The following SPG11 variants were observed in gnomAD, a reference collection of about 807,000 sequenced individuals.
SPG11 encodes the protein spatacsin.
Under a neutral mutation model 274.0 loss-of-function variants are expected in SPG11, and 222 were observed. The ratio of observed to expected loss-of-function variants is 0.81; its 90% CI spans 0.73 to 0.91. The LOEUF is 0.91. Ranked by LOEUF, SPG11 falls within the 40% of genes least tolerant of loss-of-function variation. The pLI is 0.00. For missense variants in SPG11, 3,114 were observed against 2,872.7 expected (o/e 1.08, Z -1.92); for synonymous variants, 1,144 against 1,039.7 (o/e 1.10, Z -1.93).
chr15:44,611,174 T>G lies in SPG11; in HGVS notation c.3146-189A>C, dbSNP rs143135528. Among the ~76,000 whole-genome samples, 34 of 148,706 alleles carry G rather than the reference T, an allele frequency of 2.3e-4. No individual in the cohort carries two copies. The East Asian group carries it at 6.4e-3, about 28-fold the overall frequency. On this transcript the variant is annotated intron_variant, in intron 17 of 39. Coordinates refer to ENST00000261866, the MANE Select transcript of SPG11 (RefSeq NM_025137.4). ...ATCACAGAGGGAAAAAATGAAAGATTTGTCTACATAAAAATAAAAACTTCT... is the reference window on the plus strand; with the variant it reads ...ATCACAGAGGGAAAAAATGAAAGATGTGTCTACATAAAAATAAAAACTTCT...
intron 32 of SPG11, 44 bp downstream of exon 32, chr15:44,573,502 GA>G: frequency 6.2e-7 from 1 of 1,600,844 alleles, no homozygotes; most frequent in Non-Finnish European, 8.6e-7. Flanking sequence ...CTGGGAACTA[GA>G]GAATGCTGTC....
chr15:44,574,322 T>C (rs190881198), intron 31 of SPG11, among the ~76,000 whole-genome samples: 3 of 152,322 alleles, frequency 2.0e-5, no homozygotes, highest in East Asian at 3.9e-4. Context: ...AAAAATATTA[T>C]GAAATGTAAG....
At chr15:44,588,305 A>C (rs1248817816) in intron 28 of SPG11, among the ~76,000 whole-genome samples, 4 of 151,386 alleles carry the variant, frequency 2.6e-5, no homozygotes, top group East Asian at 1.9e-4. Context: ...AAAAAAAAAA[A>C]CAAACAAAAA....
intron 20 of SPG11, among the ~76,000 whole-genome samples, chr15:44,604,976 A>G (rs2083285202): frequency 6.6e-6 from 1 of 150,796 alleles, no homozygotes; most frequent in African/African-American, 2.4e-5. Flanking sequence ...ACATTTTCAT[A>G]ACAGTTTCAT....
rs922717003 is a variant in SPG11 at position 44,595,366 on chromosome 15, T to C, written c.4528A>G (p.Thr1510Ala). ...TCAAGGTTCCAGGTATGGTCCTCTGTTGAGTCCTGAATGTGTCCCATTGCT... is the reference window on the plus strand; with the variant it reads ...TCAAGGTTCCAGGTATGGTCCTCTGCTGAGTCCTGAATGTGTCCCATTGCT... ...TEAMGHIQDSTEDHTWNLEDL... is the reference protein window; with the variant it reads ...TEAMGHIQDSAEDHTWNLEDL... Residue 1510 changes from threonine to alanine, a missense_variant, in exon 26 of 40, where the codon ACA becomes GCA. By Grantham distance (58) the Thr-to-Ala change is moderately conservative (BLOSUM62 0). Coordinates refer to ENST00000261866, the MANE Select transcript of SPG11 (RefSeq NM_025137.4). The C allele has an allele frequency of 1.2e-6, 2 of 1,614,092 alleles. No homozygotes were observed. Among genetic ancestry groups the C allele is most frequent in the Non-Finnish European group, 1.7e-6 (2 of 1,180,032 alleles).
intron 28 of SPG11, among the ~76,000 whole-genome samples, chr15:44,587,283 G>A (rs1286300786): frequency 6.6e-6 from 1 of 152,234 alleles, no homozygotes; most frequent in Non-Finnish European, 1.5e-5. Context: ...AGGGGCATGA[G>A]AAACATTCCA....
In SPG11 at chr15:44,657,265, T is replaced by C; in HGVS notation, c.699A>G (p.Val233=). Residue 233 remains valine (V), a synonymous_variant, in exon 4 of 40, where the codon GTA becomes GTG. Coordinates refer to ENST00000261866, the MANE Select transcript of SPG11 (RefSeq NM_025137.4). The part of the protein sequence containing the change: ...YIFDVVDGTY[V]AHVDLALHKE... Reference sequence around the variant, plus strand: ...TGTGAAGTGCTAAATCCACATGAGCTACATATGTACCATCCACAACATCAA... The same window carrying C: ...TGTGAAGTGCTAAATCCACATGAGCCACATATGTACCATCCACAACATCAA... The C allele has an allele frequency of 1.2e-6, 2 of 1,614,210 alleles. No individual in the cohort carries two copies. The highest frequency in any genetic ancestry group is 1.7e-6 in the Non-Finnish European group (2 of 1,180,028).
At chr15:44,626,817 G>A (rs985441952) in intron 10 of SPG11, among the ~76,000 whole-genome samples, 4 of 150,468 alleles carry the variant, frequency 2.7e-5, no homozygotes, top group Non-Finnish European at 5.9e-5. Context: ...CCCCACCCCC[G>A]TGTCCCCCCA....
intron 3 of SPG11, 44 bp from the exon 4 acceptor site, chr15:44,657,340 C>T (rs774953150): frequency 2.6e-6 from 4 of 1,568,444 alleles, no homozygotes; most frequent in Non-Finnish European, 3.5e-6. Context: ...TGTAAGTATG[C>T]CTAACTATTT....
chr15:44,602,035 T>A (rs1276944938), intron 20 of SPG11, among the ~76,000 whole-genome samples: 1 of 152,266 alleles, frequency 6.6e-6, no homozygotes, highest in African/African-American at 2.4e-5. Flanking sequence ...GCTGTTGGTA[T>A]ATAGAAACAC....
chr15:44,566,411 C>G (rs1480586070), intron 36 of SPG11, 106 bp from the exon 37 acceptor site: 2 of 1,120,376 alleles, frequency 1.8e-6, no homozygotes, highest in African/African-American at 3.1e-5. Flanking sequence ...CAGCCATGTT[C>G]ACAGGCAGGC....
In SPG11 at chr15:44,566,022, G is replaced by A; in HGVS notation, c.6844-13C>T. 5 of 1,613,268 alleles carry A rather than the reference G, an allele frequency of 3.1e-6. No homozygotes were observed. The highest frequency in any genetic ancestry group is 4.2e-6 in the Non-Finnish European group (5 of 1,179,998). ...GCACACAGGAGTCCTGAGGAACAAG[G>A]GTGGAGAGGCACAGTAGAGAAAGAC... On this transcript the variant is annotated splice_polypyrimidine_tract_variant and intron_variant, in intron 37 of 39. Transcript: ENST00000261866.
chr15:44,660,382 G>T, intron 2 of SPG11, 50 bp downstream of exon 2: 1 of 1,534,030 alleles, frequency 6.5e-7, no homozygotes, highest in South Asian at 1.1e-5. Flanking sequence ...GTAACTACAT[G>T]GTAATGTCAC....
rs75868550 is a variant in SPG11, at chr15:44,568,602, C to T, written c.6585+796G>A. Among the ~76,000 whole-genome samples, 987 of 152,336 alleles carry T rather than the reference C, an allele frequency of 6.5e-3. 14 individuals carry two copies. The highest frequency in any genetic ancestry group is 0.022 in the African/African-American group (918 of 41,576). ...AGCCCAAGACTTAAACAAGTCAGGC[C>T]TTTGCTTCCAAGCCGCCTTCCTGTT... On this transcript the variant is annotated intron_variant, in intron 35 of 39. Transcript: ENST00000261866.
At chr15:44,604,821 G>A (rs1452278401) in intron 20 of SPG11, among the ~76,000 whole-genome samples, 1 of 150,268 alleles carries the variant, frequency 6.7e-6, no homozygotes, top group African/African-American at 2.5e-5. Context: ...CTAGTTACTC[G>A]GGAGGCTGAG....
Position 44,570,593 on chromosome 15 carries a change from G to C in SPG11, c.6409C>G (p.Arg2137Gly). 1 of 1,614,108 alleles carries C rather than the reference G, an allele frequency of 6.2e-7. No individual in the cohort carries two copies. ...AGCATGTGGGCGGCCTGTAGGACTC[G>C]GATGATGCCCTCCATGTGGCACGTC... ...TLTCHMEGII[R>G]VLQAAHMLTD... Residue 2137 changes from arginine (R) to glycine (G), a missense_variant, in exon 34 of 40, where the codon CGA (arginine) becomes GGA (glycine). By Grantham distance (125) the Arg-to-Gly change is moderately radical. Transcript: ENST00000261866.
Position 44,610,927 on chromosome 15 carries a change from A to C in SPG11, c.3204T>G (p.Asn1068Lys). The C allele has an allele frequency of 6.2e-7, 1 of 1,613,994 alleles. No homozygotes were observed. The highest frequency in any genetic ancestry group is 8.5e-7 in the Non-Finnish European group (1 of 1,179,976). ...ATAGCATACTGCTTACACTGGCCTG[A>C]TTGGTGGGAATCAAAATCTGAGCAT... ...LANAQILIPT[N>K]QASVSSMLLE... Residue 1068 changes from asparagine (N) to lysine (K), a missense_variant, in exon 18 of 40, where the codon AAT (asparagine) becomes AAG (lysine). By Grantham distance (94) the Asn-to-Lys change is moderately conservative (BLOSUM62 0). Coordinates refer to ENST00000261866, the MANE Select transcript of SPG11 (RefSeq NM_025137.4).
intron 7 of SPG11, among the ~76,000 whole-genome samples, chr15:44,638,521 A>T (rs568268697): frequency 3.3e-4 from 48 of 144,410 alleles, no homozygotes; most frequent in South Asian, 2.6e-3. Context: ...CAACACACAC[A>T]ACAAAAAAAC....
intron 35 of SPG11, 59 bp downstream of exon 35, chr15:44,569,339 T>C (rs1270084624): frequency 2.2e-5 from 27 of 1,235,330 alleles, no homozygotes; most frequent in Non-Finnish European, 3.0e-5. Flanking sequence ...TGAGAAAAGC[T>C]GAGGCTCCTG....
Sources: allele counts gnomAD v4.1 joint callset (sites outside exome capture counted in the v4.1 genomes callset), GRCh38; gene constraint gnomAD v4.1.1; transcripts MANE v1.5; gene names NCBI Gene and HGNC (gene_info 2026-07-23, HGNC 2026-07-21).